The following OVCH2 variants were observed in gnomAD, a reference collection of about 807,000 sequenced individuals.
The protein encoded by OVCH2 is ovochymase-2.
Under a neutral mutation model 73.7 loss-of-function variants are expected in OVCH2, and 88 were observed. The ratio of observed to expected loss-of-function variants is 1.19; its 90% CI spans 1.01 to 1.43. The LOEUF (loss-of-function observed/expected upper bound fraction) is 1.43, where lower values mean the gene tolerates loss of function less well. Among genes scored for constraint, OVCH2 ranks in the 40% most tolerant of loss-of-function variants. OVCH2 has a pLI of 0.00. For missense variants in OVCH2, 706 were observed against 674.5 expected, an observed-to-expected ratio of 1.05 and a Z score of -0.52; for synonymous variants, 265 against 234.5, an observed-to-expected ratio of 1.13 and a Z score of -1.19.
At chr11:7,698,683 A>C in intron 8 of OVCH2, 67 bp downstream of exon 8, 3 of 1,532,318 alleles carry the variant, frequency 2.0e-6, no homozygotes, top group East Asian at 4.6e-5. Context: ...GACTTCAGGA[A>C]CTGATATTCA....
At chr11:7,690,989 A>G (rs896080599) in intron 14 of OVCH2, among the ~76,000 whole-genome samples, 2 of 152,228 alleles carry the variant, frequency 1.3e-5, no homozygotes, top group African/African-American at 2.4e-5. Context: ...ATGAACCAGC[A>G]ATATATATTA....
chr11:7,691,879 G>A, intron 13 of OVCH2, 23 bp downstream of exon 13: 2 of 1,536,298 alleles, frequency 1.3e-6, no homozygotes, highest in Non-Finnish European at 1.8e-6. Context: ...ACCAGAGCGA[G>A]CTGAGGCTCA....
chr11:7,696,297 A>G (rs1037809422), intron 10 of OVCH2, among the ~76,000 whole-genome samples, 168 bp downstream of exon 10: 6 of 152,192 alleles, frequency 3.9e-5, no homozygotes, highest in African/African-American at 1.4e-4. Flanking sequence ...CCTTGCAGCC[A>G]TCACCCAGGC....
chr11:7,700,629 G>C (rs1171966157), intron 6 of OVCH2, 144 bp from the exon 7 acceptor site: 8 of 913,320 alleles, frequency 8.8e-6, no homozygotes, highest in Non-Finnish European at 1.3e-5. Flanking sequence ...TGTGTATACA[G>C]ATCCCAGCAC....
chr11:7,688,185 C>A (rs913003357), downstream of OVCH2, among the ~76,000 whole-genome samples: 48 of 152,148 alleles, frequency 3.2e-4, no homozygotes, highest in African/African-American at 1.0e-3. Context: ...TTCTCTTTTT[C>A]CTCTAAAAAT....
intron 11 of OVCH2, among the ~76,000 whole-genome samples, 156 bp from the exon 12 acceptor site, chr11:7,695,344 T>A (rs759625922): frequency 6.6e-6 from 1 of 152,194 alleles, no homozygotes; most frequent in Non-Finnish European, 1.5e-5. Flanking sequence ...CCAGAACTCA[T>A]CAGGCCCTCT....
chr11:7,700,151 T>A, intron 7 of OVCH2, 145 bp downstream of exon 7: 1 of 757,376 alleles, frequency 1.3e-6, no homozygotes. Flanking sequence ...TTAGACTTGG[T>A]AAACCTCACA....
chr11:7,687,842 C>T (rs930976733), downstream of OVCH2, among the ~76,000 whole-genome samples: 2 of 152,018 alleles, frequency 1.3e-5, no homozygotes, highest in Non-Finnish European at 2.9e-5. Flanking sequence ...TGGTGAGGGC[C>T]CCCTTCCTGG....
rs1425273271 is a variant in OVCH2, at chr11:7,689,995, A to T, written c.1658T>A (p.Ile553Asn). ...CATTGATTCATCCTCTGATATGGAG[A>T]TGTTTAAATCTGGGTATACTGGGTA... ...IPKAVYPDLN[I>N]SISEDESMFL... The change falls in exon 15 of 16, where the codon ATC becomes AAC. Residue 553 changes from isoleucine (I) to asparagine (N), a missense_variant. Ile to Asn is a moderately radical substitution (Grantham distance 149, BLOSUM62 -3). Coordinates refer to ENST00000533663, the MANE Select transcript of OVCH2 (RefSeq NM_198185.7). 6.6e-7 allele frequency: 1 copy of T among 1,524,598 alleles called. No homozygotes were observed. Among genetic ancestry groups the T allele is most frequent in the Non-Finnish European group, 8.8e-7 (1 of 1,136,582 alleles). 94.4% of individuals were successfully genotyped at this position (1,524,598 alleles called of 1,614,324 possible).
At chr11:7,684,808 A>T (rs1421672292), downstream of OVCH2, among the ~76,000 whole-genome samples, 1 of 151,942 alleles carries the variant, frequency 6.6e-6, no homozygotes, top group African/African-American at 2.4e-5. Flanking sequence ...CCTGAGGAGG[A>T]ACTTAGGTTG....
chr11:7,685,352 T>C (rs188256517), downstream of OVCH2, among the ~76,000 whole-genome samples: 1 of 152,266 alleles, frequency 6.6e-6, no homozygotes, highest in East Asian at 1.9e-4. Context: ...GCTGAGACCC[T>C]TCATGACAGG....
chr11:7,697,702 T>G (rs999047257), intron 8 of OVCH2, among the ~76,000 whole-genome samples: 6 of 152,166 alleles, frequency 3.9e-5, no homozygotes, highest in Non-Finnish European at 8.8e-5. Flanking sequence ...TGGCTCCCAA[T>G]CCTCATTTCT....
intron 13 of OVCH2, 30 bp from the exon 14 acceptor site, chr11:7,691,430 T>C: frequency 1.3e-6 from 2 of 1,593,338 alleles, no homozygotes; most frequent in Non-Finnish European, 1.7e-6. Flanking sequence ...GGCATGACAT[T>C]GTCAAGCACC....
At chr11:7,706,175 A>T in intron 1 of OVCH2, 132 bp downstream of exon 1, 2 of 965,278 alleles carry the variant, frequency 2.1e-6, no homozygotes, top group Non-Finnish European at 3.1e-6. Context: ...ATAATTGTTT[A>T]AAAACAATTA....
Position 7,695,701 on chromosome 11 carries a change from C to T in OVCH2, c.1151G>A (p.Cys384Tyr), listed in dbSNP as rs757340065. 1.2e-5 allele frequency: 19 copies of T among 1,586,056 alleles called. 1 individual carries two copies. Among genetic ancestry groups the T allele is most frequent in the African/African-American group, 7.3e-5 (4 of 54,696 alleles). The change falls in exon 11 of 16, where the codon TGT becomes TAT. Residue 384 changes from cysteine to tyrosine, a missense_variant. By Grantham distance (194) the Cys-to-Tyr change is radical. Coordinates refer to ENST00000533663, the MANE Select transcript of OVCH2 (RefSeq NM_198185.7). ...AATGGATGAAGGGAGGCTTTCTCCA[C>T]AAAATTTTCCTGCAGGATGAGAAAA... is the stretch of plus-strand genomic sequence containing the variant. ...SLEDRPIGKFCGESLPSSILI... is the reference protein window; with the variant it reads ...SLEDRPIGKFYGESLPSSILI...
the OVCH2 span, among the ~76,000 whole-genome samples, chr11:7,683,061 A>C: frequency 6.6e-6 from 1 of 152,216 alleles, no homozygotes; most frequent in Non-Finnish European, 1.5e-5. Context: ...CCAGGGCTCA[A>C]ATCACAGACA....
At chr11:7,694,252 C>G (rs1260133569) in intron 12 of OVCH2, among the ~76,000 whole-genome samples, 1 of 152,212 alleles carries the variant, frequency 6.6e-6, no homozygotes, top group Non-Finnish European at 1.5e-5. Context: ...TGATATCTCT[C>G]TGCAGATGGT....
chr11:7,691,802 C>G, intron 13 of OVCH2, 100 bp downstream of exon 13: 4 of 876,918 alleles, frequency 4.6e-6, no homozygotes, highest in Non-Finnish European at 7.1e-6. Flanking sequence ...GGAGGTGGTG[C>G]AGGAAGATGG....
the OVCH2 span, among the ~76,000 whole-genome samples, chr11:7,683,330 GCCAAAAGCC>G: frequency 2.0e-5 from 3 of 152,074 alleles, no homozygotes; most frequent in Admixed American, 1.3e-4. Context: ...AGTTGATCAG[GCCAAAAGCC>G]CCATGGTCAC....
Sources: gnomAD v4.1 joint callset for allele counts (sites outside exome capture counted in the v4.1 genomes callset) on GRCh38, gnomAD v4.1.1 for gene constraint, MANE v1.5 for transcripts, NCBI Gene and HGNC (gene_info 2026-07-23, HGNC 2026-07-21) for gene names.